Variants in AGBL4 observed in about 807,000 individuals in gnomAD.
AGBL4 encodes the protein cytosolic carboxypeptidase 6.
A neutral mutation model predicts 66.4 loss-of-function variants in AGBL4; 58 were observed. The observed-to-expected ratio is 0.87, with a 90% CI of 0.71 to 1.09. The LOEUF is 1.09. Among genes scored for constraint, AGBL4 ranks in the 50% least tolerant of loss-of-function variants. AGBL4 has a pLI of 0.00. For synonymous variants in AGBL4, 234 were observed against 222.9 expected (o/e 1.05, Z -0.44); for missense variants, 579 against 631.0 (o/e 0.92, Z 0.88).
At chr1:48,932,580 G>A (rs1655119142) in intron 5 of AGBL4, among the ~76,000 whole-genome samples, 1 of 152,140 alleles carries the variant, frequency 6.6e-6, no homozygotes, top group African/African-American at 2.4e-5. Flanking sequence ...ACAGTTGCCA[G>A]GGAAACTGTG....
intron 3 of AGBL4, among the ~76,000 whole-genome samples, chr1:49,530,806 A>G (rs1413366880): frequency 6.6e-6 from 1 of 152,058 alleles, no homozygotes; most frequent in African/African-American, 2.4e-5. Flanking sequence ...TAATAAAATG[A>G]TTAAGAATAT....
At chr1:49,373,751 G>A (rs955074327) in intron 3 of AGBL4, among the ~76,000 whole-genome samples, 5 of 152,006 alleles carry the variant, frequency 3.3e-5, no homozygotes, top group African/African-American at 9.7e-5. Flanking sequence ...TGACTCCAAA[G>A]TCCAGGATAA....
At chr1:48,980,657 A>T (rs1219256983) in intron 5 of AGBL4, among the ~76,000 whole-genome samples, 1 of 149,372 alleles carries the variant, frequency 6.7e-6, no homozygotes, top group Non-Finnish European at 1.5e-5. Context: ...CAGCACAGAC[A>T]GGTCTTATCT....
Position 49,914,744 on chromosome 1 carries a change from CCA to C in AGBL4, c.35-63228_35-63227del, listed in dbSNP as rs1434495615. Among the ~76,000 whole-genome samples the C allele has an allele frequency of 2.0e-5, 3 of 152,164 alleles. No homozygotes were observed. In the East Asian group the frequency reaches 5.8e-4, roughly 29 times the overall value. On this transcript the variant is annotated intron_variant, in intron 1 of 13. Transcript: ENST00000371839. ...CATTTTCTGCTGCTATAACAAAATA[CCA>C]CAGACTGGGTGATTTATAAAGAAAA...
chr1:49,817,622 T>A (rs906845445), intron 2 of AGBL4, among the ~76,000 whole-genome samples: 1 of 152,156 alleles, frequency 6.6e-6, no homozygotes, highest in African/African-American at 2.4e-5. Flanking sequence ...GATACACAAA[T>A]CTGAGAGAGA....
chr1:49,817,374 C>T (rs979284220), intron 2 of AGBL4, among the ~76,000 whole-genome samples: 3 of 152,146 alleles, frequency 2.0e-5, no homozygotes, highest in Non-Finnish European at 2.9e-5. Context: ...AAGTTTCCAG[C>T]TTCCTTTATG....
intron 3 of AGBL4, among the ~76,000 whole-genome samples, chr1:49,630,901 C>G (rs1178350279): frequency 6.6e-6 from 1 of 152,104 alleles, no homozygotes. Flanking sequence ...ACCATTTAAA[C>G]CTAGTTATAA....
chr1:48,711,052 C>G (rs1261382569), intron 6 of AGBL4, among the ~76,000 whole-genome samples: 1 of 151,942 alleles, frequency 6.6e-6, no homozygotes, highest in Non-Finnish European at 1.5e-5. Flanking sequence ...TCTGCCCCTA[C>G]TGCTCACCCC....
At chr1:48,723,084 G>A (rs938066939) in intron 6 of AGBL4, among the ~76,000 whole-genome samples, 8 of 152,016 alleles carry the variant, frequency 5.3e-5, no homozygotes, top group Non-Finnish European at 8.8e-5. Context: ...CTAAATCCAC[G>A]CTCCCCACTC....
At chr1:49,781,033 G>A (rs150552715) in intron 2 of AGBL4, among the ~76,000 whole-genome samples, 141 of 152,134 alleles carry the variant, frequency 9.3e-4, no homozygotes, top group African/African-American at 3.3e-3. Context: ...GTGGAAAAAG[G>A]TATACCACAC....
At chr1:49,186,759 T>A (rs529419055) in intron 4 of AGBL4, among the ~76,000 whole-genome samples, 1 of 152,220 alleles carries the variant, frequency 6.6e-6, no homozygotes, top group Admixed American at 6.5e-5. Flanking sequence ...CAACATATTA[T>A]AAAGATAATA....
At chr1:49,095,042 A>C (rs1425686724) in intron 4 of AGBL4, among the ~76,000 whole-genome samples, 2 of 152,202 alleles carry the variant, frequency 1.3e-5, no homozygotes, top group African/African-American at 4.8e-5. Flanking sequence ...CACCAATAAC[A>C]GACAAACAGA....
chr1:49,613,591 C>T (rs1645195995), intron 3 of AGBL4, among the ~76,000 whole-genome samples: 1 of 152,142 alleles, frequency 6.6e-6, no homozygotes, highest in African/African-American at 2.4e-5. Flanking sequence ...TTGTGAGCTG[C>T]ATGTGCAGGG....
At chr1:48,645,138 C>G (rs936677918) in intron 8 of AGBL4, among the ~76,000 whole-genome samples, 2 of 152,192 alleles carry the variant, frequency 1.3e-5, no homozygotes, top group African/African-American at 2.4e-5. Flanking sequence ...TTGGTTTTGG[C>G]GGTGTGCACT....
At chr1:49,997,462 G>A (rs904956490) in intron 1 of AGBL4, among the ~76,000 whole-genome samples, 7 of 151,982 alleles carry the variant, frequency 4.6e-5, no homozygotes, top group Admixed American at 4.6e-4. Context: ...AAGACAAAGA[G>A]GGACATTATA....
At chr1:48,579,770 T>A (rs1028905137) in intron 11 of AGBL4, among the ~76,000 whole-genome samples, 1 of 148,552 alleles carries the variant, frequency 6.7e-6, no homozygotes, top group African/African-American at 2.5e-5. Context: ...AAAAAAAAAT[T>A]AGCCGGGCAC....
At chr1:49,938,380 G>C (rs1039695210) in intron 1 of AGBL4, among the ~76,000 whole-genome samples, 2 of 152,124 alleles carry the variant, frequency 1.3e-5, no homozygotes, top group African/African-American at 4.8e-5. Flanking sequence ...AAATAGTCCA[G>C]GACCAGATGG....
At chr1:48,937,753 G>A (rs1453600570) in intron 5 of AGBL4, among the ~76,000 whole-genome samples, 2 of 152,154 alleles carry the variant, frequency 1.3e-5, no homozygotes, top group Non-Finnish European at 2.9e-5. Flanking sequence ...AGGCTTGTCA[G>A]ACTCAAAAAG....
chr1:49,633,192 C>T (rs146028966), intron 3 of AGBL4, among the ~76,000 whole-genome samples: 1 of 152,156 alleles, frequency 6.6e-6, no homozygotes, highest in East Asian at 1.9e-4. Context: ...CATTGATAAA[C>T]CTAGATCAGT....
Sources: allele counts gnomAD v4.1 joint callset (sites outside exome capture counted in the v4.1 genomes callset), GRCh38; gene constraint gnomAD v4.1.1; transcripts MANE v1.5; gene names NCBI Gene and HGNC (gene_info 2026-07-23, HGNC 2026-07-21).